NBAS: variants seen among roughly 807,000 people sequenced by gnomAD.
NBAS encodes the protein NAG/BC035112 fusion.
A neutral mutation model predicts 302.5 loss-of-function variants in NBAS; 219 were observed. The observed-to-expected ratio is 0.72, with a 90% CI of 0.65 to 0.81. NBAS has a LOEUF of 0.81. Ranked by LOEUF, NBAS falls within the 30% of genes least tolerant of loss-of-function variation. The pLI is 0.00. For missense variants in NBAS, 2,932 were observed against 2,841.6 expected (o/e 1.03, Z -0.72); for synonymous variants, 1,118 against 1,021.6 (o/e 1.09, Z -1.80).
the NBAS span, among the ~76,000 whole-genome samples, chr2:15,019,952 T>C: frequency 6.6e-6 from 1 of 152,214 alleles, no homozygotes; most frequent in Non-Finnish European, 1.5e-5. Flanking sequence ...TACTTTGTTA[T>C]AGCAGCCCAA....
At chr2:15,054,895 T>A in the NBAS span, among the ~76,000 whole-genome samples, 5 of 152,208 alleles carry the variant, frequency 3.3e-5, no homozygotes, top group African/African-American at 1.2e-4. Flanking sequence ...GAAACATTGT[T>A]TTCTGGCCAA....
At chr2:14,959,547 G>T in the NBAS span, among the ~76,000 whole-genome samples, 1 of 152,128 alleles carries the variant, frequency 6.6e-6, no homozygotes, top group African/African-American at 2.4e-5. Flanking sequence ...TGCTCCTTAA[G>T]AACACACATA....
intron 21 of NBAS, among the ~76,000 whole-genome samples, chr2:15,433,128 G>C (rs989764235): frequency 6.6e-6 from 1 of 152,182 alleles, no homozygotes; most frequent in African/African-American, 2.4e-5. Context: ...AAATGAAAAT[G>C]AGACTAAAGT....
At chr2:14,975,309 C>G in the NBAS span, among the ~76,000 whole-genome samples, 1 of 152,162 alleles carries the variant, frequency 6.6e-6, no homozygotes, top group Non-Finnish European at 1.5e-5. Context: ...TGTTTGGCAG[C>G]AATCAAAAGC....
intron 9 of NBAS, among the ~76,000 whole-genome samples, chr2:15,532,261 G>A (rs1032665956): frequency 6.6e-6 from 1 of 151,944 alleles, no homozygotes; most frequent in Non-Finnish European, 1.5e-5. Flanking sequence ...AGGCCGAGGT[G>A]GGCGGATCAC....
intron 21 of NBAS, among the ~76,000 whole-genome samples, chr2:15,441,506 G>A (rs1678403373): frequency 1.3e-5 from 2 of 151,890 alleles, no homozygotes; most frequent in Admixed American, 1.3e-4. Flanking sequence ...CCTGAAGGAA[G>A]CACTAAACAT....
the NBAS span, among the ~76,000 whole-genome samples, chr2:14,992,208 C>T: frequency 6.6e-6 from 1 of 152,034 alleles, no homozygotes; most frequent in Non-Finnish European, 1.5e-5. Context: ...TTGCATTATC[C>T]CTCCCAAGTC....
At chr2:15,501,217 T>C (rs1414344607) in intron 11 of NBAS, among the ~76,000 whole-genome samples, 8 of 150,984 alleles carry the variant, frequency 5.3e-5, no homozygotes, top group Non-Finnish European at 1.0e-4. Flanking sequence ...AGGAGAATGG[T>C]GTGAACCTGG....
chr2:15,207,969 A>G (rs1345540965), intron 48 of NBAS, among the ~76,000 whole-genome samples: 1 of 152,248 alleles, frequency 6.6e-6, no homozygotes, highest in Non-Finnish European at 1.5e-5. Context: ...AAAAAGGTCA[A>G]TTCAGCAAGA....
chr2:15,266,876 G>C (rs1011731432), intron 44 of NBAS, among the ~76,000 whole-genome samples: 3 of 152,096 alleles, frequency 2.0e-5, no homozygotes, highest in Admixed American at 6.5e-5. Flanking sequence ...AATTCATATA[G>C]ATAGCTGTCC....
downstream of NBAS, among the ~76,000 whole-genome samples, chr2:15,164,397 G>C (rs1663966450): frequency 6.6e-6 from 1 of 152,222 alleles, no homozygotes; most frequent in African/African-American, 2.4e-5. Context: ...TTACTTACCA[G>C]CTTTGTGACA....
Position 15,266,416 on chromosome 2 carries a change from A to G in NBAS, c.5724+9068T>C, listed in dbSNP as rs908529441. Among the ~76,000 whole-genome samples the G allele has an allele frequency of 2.9e-4, 44 of 152,208 alleles. 1 individual carries two copies. Among genetic ancestry groups the G allele is most frequent in the Non-Finnish European group, 3.5e-4 (24 of 68,016 alleles). The stretch of plus-strand genomic sequence containing the variant: ...ATTTTTCTTGTCTGTCTGCTTTCCC[A>G]GTCTCCTAAAACACTACTTTGTACC... On this transcript the variant is annotated intron_variant, in intron 44 of 51. Transcript: ENST00000281513.
At chr2:14,787,976 G>T in the NBAS span, among the ~76,000 whole-genome samples, 3 of 151,974 alleles carry the variant, frequency 2.0e-5, no homozygotes, top group African/African-American at 4.8e-5. Context: ...ACATAGATTT[G>T]GTCTTTTCAC....
the NBAS span, among the ~76,000 whole-genome samples, chr2:15,141,578 A>G: frequency 1.3e-5 from 2 of 152,236 alleles, no homozygotes; most frequent in Admixed American, 6.5e-5. Context: ...GAAGCTGAGG[A>G]AAGAGTTAGC....
chr2:14,888,584 A>G, the NBAS span, among the ~76,000 whole-genome samples: 2 of 152,044 alleles, frequency 1.3e-5, no homozygotes, highest in Non-Finnish European at 2.9e-5. Context: ...AATAAGTATT[A>G]TACTATTTTT....
chr2:14,976,384 T>C, the NBAS span, among the ~76,000 whole-genome samples: 6 of 152,328 alleles, frequency 3.9e-5, no homozygotes, highest in African/African-American at 1.4e-4. Context: ...TACGTCTTCG[T>C]CTATTAAGTT....
intron 51 of NBAS, among the ~76,000 whole-genome samples, chr2:15,173,945 C>G (rs771259479): frequency 6.6e-6 from 1 of 152,208 alleles, no homozygotes. Context: ...CTTACCTATT[C>G]TTCACTTCAT....
the NBAS span, among the ~76,000 whole-genome samples, chr2:14,821,861 C>CAAA: frequency 2.2e-4 from 32 of 145,458 alleles, no homozygotes; most frequent in Non-Finnish European, 3.3e-4. Context: ...AAATACAAAA[C>CAAA]AAAAAAAAAA....
At chr2:15,476,537 A>T (rs1680199783) in intron 13 of NBAS, among the ~76,000 whole-genome samples, 1 of 152,114 alleles carries the variant, frequency 6.6e-6, no homozygotes, top group Admixed American at 6.5e-5. Context: ...CCTGGCCAAT[A>T]TGGTGAAACC....
Sources: gnomAD v4.1 joint callset for allele counts (sites outside exome capture counted in the v4.1 genomes callset) on GRCh38, gnomAD v4.1.1 for gene constraint, MANE v1.5 for transcripts, NCBI Gene and HGNC (gene_info 2026-07-23, HGNC 2026-07-21) for gene names.